The following ACHE variants were observed in gnomAD, a reference collection of about 807,000 sequenced individuals.
The protein encoded by ACHE is acetylcholinesterase.
ACHE carries 19 observed loss-of-function variants against 53.9 expected under a neutral mutation model. The observed-to-expected ratio is 0.35, with a 90% CI of 0.25 to 0.52. ACHE has a LOEUF of 0.52. Among genes scored for constraint, ACHE ranks in the 20% least tolerant of loss-of-function variants. ACHE has a pLI of 0.95. For missense variants in ACHE, 605 were observed against 849.4 expected (o/e 0.71, Z 3.58); for synonymous variants, 392 against 378.1 (o/e 1.04, Z -0.43).
intron 2 of ACHE, 134 bp downstream of exon 2, chr7:100,893,031 T>C (rs1467399201): frequency 9.0e-6 from 11 of 1,225,688 alleles, no homozygotes; most frequent in Non-Finnish European, 1.2e-5. Context: ...CCCTGGGATC[T>C]GAGCCCTCAG....
At chr7:100,891,103 G>A (rs1306698113) in intron 4 of ACHE, 66 bp downstream of exon 4, 5 of 1,552,338 alleles carry the variant, frequency 3.2e-6, no homozygotes, top group Non-Finnish European at 4.4e-6. Flanking sequence ...GGGGAGAAGA[G>A]AGGGGTTACA....
At chr7:100,895,256 G>A (rs771534010) in intron 1 of ACHE, among the ~76,000 whole-genome samples, 2 of 152,312 alleles carry the variant, frequency 1.3e-5, no homozygotes, top group South Asian at 2.1e-4. Flanking sequence ...CGCCCTGAGC[G>A]GGGGGTGGTG....
chr7:100,896,699 C>A, upstream of ACHE: 1 of 307,310 alleles, frequency 3.3e-6, no homozygotes, highest in Non-Finnish European at 6.9e-6. Context: ...CACCAGGGTC[C>A]GGTCGGGGCA....
chr7:100,891,270 T>C lies in ACHE; in HGVS notation c.1622A>G (p.Tyr541Cys). ...CAGCGGCCGCAGGTCCAGACTAACG[T>C]ACTGCTGAGCCCCCGCCGTGTACGG... ...WPPYTAGAQQ[Y>C]VSLDLRPLEV... Residue 541 changes from tyrosine to cysteine, a missense_variant, in exon 4 of 5, where the codon TAC becomes TGC. Around this residue, in one of 4 missense-constraint regions of ACHE, gnomAD observed 91 missense variants for 83.2 expected, o/e 1.09. Coordinates refer to ENST00000241069, the MANE Select transcript of ACHE (RefSeq NM_000665.5). 1 of 1,610,176 alleles carries C rather than the reference T, an allele frequency of 6.2e-7. No individual in the cohort carries two copies. Among genetic ancestry groups the C allele is most frequent in the Admixed American group, 1.7e-5 (1 of 59,876 alleles).
In ACHE at chr7:100,891,316, G is replaced by A. The variant is rs1790682408; in HGVS notation, c.1576C>T (p.Pro526Ser). The stretch of plus-strand genomic sequence containing the variant: ...TACGGGGGCCATTGTGGGGCCTTGG[G>A]GTCTCGGGGCTCATTGGGATCCCTG... ...RTGDPNEPRDPKAPQWPPYTA... is the reference protein window; with the variant it reads ...RTGDPNEPRDSKAPQWPPYTA... Residue 526 changes from proline to serine, a missense_variant, in exon 4 of 5, where the codon CCC becomes TCC. Coordinates refer to ENST00000241069, the MANE Select transcript of ACHE (RefSeq NM_000665.5). The A allele has an allele frequency of 1.3e-6, 2 of 1,574,888 alleles. No homozygotes were observed. Among genetic ancestry groups the A allele is most frequent in the African/African-American group, 2.7e-5 (2 of 73,446 alleles).
At chr7:100,890,609 G>C (rs1790615402) in intron 4 of ACHE, 1 of 1,383,238 alleles carries the variant, frequency 7.2e-7, no homozygotes, top group African/African-American at 1.5e-5. Context: ...GACAGGAGGG[G>C]GAGGTTGGGG....
At chr7:100,895,403 C>G (rs1190987744) in intron 1 of ACHE, among the ~76,000 whole-genome samples, 1 of 127,360 alleles carries the variant, frequency 7.9e-6, no homozygotes, top group Non-Finnish European at 1.6e-5. Flanking sequence ...GGGGCCTCTG[C>G]GGGGCGCTGC....
At chr7:100,891,783 C>CTT (rs71902456) in intron 3 of ACHE, among the ~76,000 whole-genome samples, 11,846 of 103,332 alleles carry the variant, frequency 0.11, 1,002 homozygotes, top group Middle Eastern at 0.16. Flanking sequence ...CTTGGTCTCC[C>CTT]TTTTTTTTTT....
At chr7:100,894,872 C>G (rs2571600) in intron 1 of ACHE, among the ~76,000 whole-genome samples, 2,768 of 152,232 alleles carry the variant, frequency 0.018, 45 homozygotes, top group Non-Finnish European at 0.024. Context: ...CGCTCCCAGC[C>G]CAGCCCCAGC....
At position 100,893,431 on chromosome 7, in the gene ACHE, C is replaced by G; in HGVS notation, c.802G>C (p.Ala268Pro). 6.2e-7 allele frequency: 1 copy of G among 1,609,660 alleles called. No individual in the cohort carries two copies. Among genetic ancestry groups the G allele is most frequent in the East Asian group, 2.2e-5 (1 of 44,852 alleles). ...CGGGCCTCTCCCATGCCCACCGTGGCCCAGGGTCCATTGGGGGCACCGCTC... is the reference window on the plus strand; with the variant it reads ...CGGGCCTCTCCCATGCCCACCGTGGGCCAGGGTCCATTGGGGGCACCGCTC... ...LQSGAPNGPW[A>P]TVGMGEARRR... Residue 268 changes from alanine (A) to proline (P), a missense_variant, in exon 2 of 5, where the codon GCC becomes CCC. By Grantham distance (27) the Ala-to-Pro change is conservative. Around this residue, in one of 4 missense-constraint regions of ACHE, gnomAD observed 397 missense variants for 632.5 expected, o/e 0.63. Coordinates refer to ENST00000241069, the MANE Select transcript of ACHE (RefSeq NM_000665.5).
intron 3 of ACHE, among the ~76,000 whole-genome samples, 174 bp from the exon 4 acceptor site, chr7:100,891,512 C>A (rs1164146278): frequency 1.3e-5 from 2 of 152,042 alleles, no homozygotes; most frequent in East Asian, 3.8e-4. Flanking sequence ...CTCAAGCGCT[C>A]CGTCTCCTTC....
intron 4 of ACHE, chr7:100,890,810 C>T (rs1790632018): frequency 5.9e-6 from 8 of 1,363,610 alleles, no homozygotes; most frequent in African/African-American, 2.9e-5. Context: ...GGAGGCACGG[C>T]CCCCTCCTCC....
Position 100,893,316 on chromosome 7 carries a change from G to A in ACHE, c.917C>T (p.Thr306Ile), listed in dbSNP as rs753776539. 1.2e-6 allele frequency: 2 copies of A among 1,613,934 alleles called. No individual in the cohort carries two copies. Among genetic ancestry groups the A allele is most frequent in the African/African-American group, 1.3e-5 (1 of 75,060 alleles). Residue 306 changes from threonine to isoleucine, a missense_variant, in exon 2 of 5, where the codon ACA becomes ATA. Physicochemically the swap from Thr to Ile is moderately conservative, Grantham distance 89. Around this residue, in one of 4 missense-constraint regions of ACHE, gnomAD observed 397 missense variants for 632.5 expected, o/e 0.63. Coordinates refer to ENST00000241069, the MANE Select transcript of ACHE (RefSeq NM_000665.5). ...GTTCACCAGGACCTGCGCTGGTCGT[G>A]TCCGAAGGCAGGCTACCAGCTCTGT... Reference protein sequence around the residue: ...NDTELVACLRTRPAQVLVNHE... With the variant: ...NDTELVACLRIRPAQVLVNHE...
At chr7:100,894,706 C>G (rs1049175384) in intron 1 of ACHE, among the ~76,000 whole-genome samples, 2 of 152,268 alleles carry the variant, frequency 1.3e-5, no homozygotes, top group South Asian at 2.1e-4. Context: ...AGACCCGGGG[C>G]CCTGGGGGGC....
rs542738269 is a variant in ACHE, at chr7:100,895,302, G to T, written c.-21+500C>A. On this transcript the variant is annotated intron_variant, in intron 1 of 4. Coordinates refer to ENST00000241069, the MANE Select transcript of ACHE (RefSeq NM_000665.5). ...AGATTAACTAGGAAACCCGAGTGGC[G>T]CTAATTATAACTCGGGGCTTCCGCC... 3.3e-5 allele frequency among the ~76,000 whole-genome samples: 5 copies of T among 152,270 alleles called. No individual in the cohort carries two copies. In the East Asian group the frequency reaches 7.8e-4, roughly 24 times the overall value.
At chr7:100,896,625 A>G, upstream of ACHE, 2 of 270,194 alleles carry the variant, frequency 7.4e-6, no homozygotes, top group East Asian at 1.6e-4. Flanking sequence ...CGGCAGTGGA[A>G]ACTTCTGGAA....
chr7:100,891,440 G>A, intron 3 of ACHE, 102 bp from the exon 4 acceptor site: 23 of 1,219,564 alleles, frequency 1.9e-5, no homozygotes, highest in Non-Finnish European at 2.5e-5. Flanking sequence ...GAGCCCCAGA[G>A]AACCCGTCCC....
intron 3 of ACHE, 45 bp from the exon 4 acceptor site, chr7:100,891,383 A>G (rs769611284): frequency 6.7e-6 from 10 of 1,485,476 alleles, no homozygotes; most frequent in Non-Finnish European, 8.0e-6. Context: ...CAGTGGGAGG[A>G]GGTGGCCCCC....
chr7:100,892,424 A>G lies in ACHE; in HGVS notation c.1463T>C (p.Ile488Thr). ...GTAGTTTCGAGAGGGGTCCAGGGGGATCCCAAAGATGAACTCGATCTCGTA... is the reference window on the plus strand; with the variant it reads ...GTAGTTTCGAGAGGGGTCCAGGGGGGTCCCAAAGATGAACTCGATCTCGTA... ...HGYEIEFIFG[I>T]PLDPSRNYTA... is the part of the protein sequence containing the mutation. The change falls in exon 3 of 5, where the codon ATC becomes ACC. Residue 488 changes from isoleucine (I) to threonine (T), a missense_variant. By Grantham distance (89) the Ile-to-Thr change is moderately conservative (BLOSUM62 -1). Transcript: ENST00000241069. The surrounding 1 kb of genome is among the most constrained non-coding windows in gnomAD (Gnocchi z 5.2). 1.3e-6 allele frequency: 2 copies of G among 1,537,376 alleles called. No individual in the cohort carries two copies. Among genetic ancestry groups the G allele is most frequent in the East Asian group, 2.3e-5 (1 of 43,810 alleles).
Sources: gnomAD v4.1 joint callset for allele counts (sites outside exome capture counted in the v4.1 genomes callset) on GRCh38, gnomAD v4.1.1 for gene constraint, gnomAD v4.1.1 regional missense constraint, Gnocchi (gnomAD v3.1) non-coding constraint, MANE v1.5 for transcripts, NCBI Gene and HGNC (gene_info 2026-07-23, HGNC 2026-07-21) for gene names.